DOP1A: variants seen among roughly 807,000 people sequenced by gnomAD.
The protein encoded by DOP1A is DOP1 leucine zipper like protein A, also known as protein DOP1A.
Under a neutral mutation model 267.6 loss-of-function variants are expected in DOP1A, and 90 were observed. That is an observed-to-expected ratio of 0.34 (90% CI 0.28 to 0.40). The LOEUF (loss-of-function observed/expected upper bound fraction) is 0.40. Ranked by LOEUF, DOP1A falls within the 10% of genes least tolerant of loss-of-function variation. The pLI is 1.00. For synonymous variants in DOP1A, 932 were observed against 999.1 expected (o/e 0.93, Z 1.27); for missense variants, 2,437 against 2,900.4 (o/e 0.84, Z 3.67).
chr6:83,084,822 C>T (rs1371233127), intron 1 of DOP1A, among the ~76,000 whole-genome samples: 1 of 151,864 alleles, frequency 6.6e-6, no homozygotes, highest in Non-Finnish European at 1.5e-5. Flanking sequence ...AACTCCTGGC[C>T]TCAAGTGATC....
chr6:83,163,928 G>A (rs1784820323), intron 38 of DOP1A, among the ~76,000 whole-genome samples: 1 of 151,832 alleles, frequency 6.6e-6, no homozygotes, highest in South Asian at 2.1e-4. Context: ...CTTTCAGTAT[G>A]CATCATGCTA....
chr6:83,167,281 T>C, intron 38 of DOP1A: 1 of 985,204 alleles, frequency 1.0e-6, no homozygotes, highest in Non-Finnish European at 1.2e-6. Context: ...CCCTATGTTG[T>C]TTAGCACAAC....
At chr6:83,118,545 T>G (rs552645339) in intron 7 of DOP1A, among the ~76,000 whole-genome samples, 59 of 152,324 alleles carry the variant, frequency 3.9e-4, no homozygotes, top group Non-Finnish European at 1.5e-5. Context: ...GTTATAAATG[T>G]GAAAGACTAA....
intron 1 of DOP1A, among the ~76,000 whole-genome samples, chr6:83,081,756 A>G (rs1768114391): frequency 6.6e-6 from 1 of 152,226 alleles, no homozygotes; most frequent in Non-Finnish European, 1.5e-5. Flanking sequence ...GAGACAACCT[A>G]CTTACAGGAT....
In DOP1A at chr6:83,159,930, T is replaced by G. The variant is rs1783842700; in HGVS notation, c.6932T>G (p.Leu2311Trp). The G allele has an allele frequency of 6.2e-7, 1 of 1,614,050 alleles. No individual in the cohort carries two copies. The highest frequency in any genetic ancestry group is 1.3e-5 in the African/African-American group (1 of 74,934). The stretch of plus-strand genomic sequence containing the variant: ...AAATTTTTGGATTTGGCTCTCGCAT[T>G]GCCCTCTGAAAACCTTCCTCAGTTT... ...ACKFLDLALA[L>W]PSENLPQFQM... Residue 2311 changes from leucine to tryptophan, a missense_variant, in exon 37 of 39, where the codon TTG (leucine) becomes TGG (tryptophan). Physicochemically the swap from Leu to Trp is moderately conservative, Grantham distance 61 (BLOSUM62 -2). Coordinates refer to ENST00000349129, the MANE Select transcript of DOP1A (RefSeq NM_015018.4).
At chr6:83,131,645 A>G (rs1233523941) in intron 17 of DOP1A, among the ~76,000 whole-genome samples, 2 of 151,852 alleles carry the variant, frequency 1.3e-5, no homozygotes, top group Non-Finnish European at 2.9e-5. Flanking sequence ...CCTGCAGAAA[A>G]CATTTACATG....
At chr6:83,127,836 G>A (rs73749708) in intron 15 of DOP1A, among the ~76,000 whole-genome samples, 2,958 of 152,190 alleles carry the variant, frequency 0.019, 107 homozygotes, top group African/African-American at 0.067. Flanking sequence ...TATATATACC[G>A]TTATGTAATC....
chr6:83,099,413 T>C (rs1490582882), intron 3 of DOP1A, among the ~76,000 whole-genome samples: 1 of 152,188 alleles, frequency 6.6e-6, no homozygotes, highest in African/African-American at 2.4e-5. Context: ...CATCTAAAAG[T>C]ACAAGTTTGC....
chr6:83,084,172 A>G (rs1768649251), intron 1 of DOP1A, among the ~76,000 whole-genome samples: 1 of 152,166 alleles, frequency 6.6e-6, no homozygotes, highest in Non-Finnish European at 1.5e-5. Flanking sequence ...CCACCTATGT[A>G]ACAGTGGTCC....
intron 37 of DOP1A, among the ~76,000 whole-genome samples, chr6:83,160,779 T>TA: frequency 6.6e-6 from 1 of 152,280 alleles, no homozygotes; most frequent in South Asian, 2.1e-4. Context: ...ATTTATTATA[T>TA]TGTGTCTTAT....
rs1256039763 is a variant in DOP1A, at chr6:83,125,156, C to T, written c.1456-10C>T. On this transcript the variant is annotated splice_polypyrimidine_tract_variant and intron_variant, in intron 13 of 38. Coordinates refer to ENST00000349129, the MANE Select transcript of DOP1A (RefSeq NM_015018.4). ...TTCTCTCCTCACTTCTTTGCTTTCT[C>T]ATTTTGAAGCCTACTAGAAGTATGA... 4 of 1,579,250 alleles carry T rather than the reference C, an allele frequency of 2.5e-6. No homozygotes were observed. Among genetic ancestry groups the T allele is most frequent in the South Asian group, 1.2e-5 (1 of 82,782 alleles).
chr6:83,130,835 C>G (rs1037668964), intron 17 of DOP1A, among the ~76,000 whole-genome samples: 6 of 151,690 alleles, frequency 4.0e-5, no homozygotes, highest in Admixed American at 1.3e-4. Context: ...GCCTCCTGGT[C>G]TCAAGCAATT....
At chr6:83,120,009 TC>T in intron 9 of DOP1A, 152 bp downstream of exon 9, 1 of 566,410 alleles carries the variant, frequency 1.8e-6, no homozygotes, top group Non-Finnish European at 3.0e-6. Flanking sequence ...ACAAGAAAAT[TC>T]CTGTAAAATG....
intron 7 of DOP1A, among the ~76,000 whole-genome samples, chr6:83,114,615 A>G (rs1009539452): frequency 6.6e-6 from 1 of 152,150 alleles, no homozygotes; most frequent in Non-Finnish European, 1.5e-5. Context: ...ATTCAACATC[A>G]TTAGGCCCTC....
intron 15 of DOP1A, among the ~76,000 whole-genome samples, chr6:83,128,401 T>A (rs1168434743): frequency 6.6e-6 from 1 of 152,170 alleles, no homozygotes; most frequent in Non-Finnish European, 1.5e-5. Context: ...TGGCACATGA[T>A]AGGAGTTCAG....
At chr6:83,149,193 AGAG>A (rs1781123553) in intron 27 of DOP1A, among the ~76,000 whole-genome samples, 1 of 152,190 alleles carries the variant, frequency 6.6e-6, no homozygotes, top group Non-Finnish European at 1.5e-5. Flanking sequence ...GGAACTTCAC[AGAG>A]GAGGGACACT....
intron 38 of DOP1A, chr6:83,166,196 C>G: frequency 2.0e-6 from 1 of 510,142 alleles, no homozygotes. Context: ...AGCTTTTTCA[C>G]CTTTTCAATT....
At chr6:83,143,317 A>G (rs1167152271) in intron 24 of DOP1A, among the ~76,000 whole-genome samples, 1 of 152,218 alleles carries the variant, frequency 6.6e-6, no homozygotes, top group African/African-American at 2.4e-5. Context: ...CAGGAGAATT[A>G]TCAGGTATAT....
chr6:83,153,764 T>G (rs1353058992), intron 31 of DOP1A, 130 bp from the exon 32 acceptor site: 32 of 1,197,354 alleles, frequency 2.7e-5, no homozygotes, highest in Non-Finnish European at 3.5e-5. Flanking sequence ...TCATATATTA[T>G]TTTTCTTATG....
Sources: gnomAD v4.1 joint callset for allele counts (sites outside exome capture counted in the v4.1 genomes callset) on GRCh38, gnomAD v4.1.1 for gene constraint, MANE v1.5 for transcripts, NCBI Gene and HGNC (gene_info 2026-07-23, HGNC 2026-07-21) for gene names.